Variants in ZNF335 observed in about 807,000 individuals in gnomAD.
ZNF335 encodes the protein NRC-interacting factor 1.
A neutral mutation model predicts 145.6 loss-of-function variants in ZNF335; 84 were observed. That is an observed-to-expected ratio of 0.58 (90% CI 0.48 to 0.69). The LOEUF is 0.69. ZNF335 is among the 30% of genes least tolerant of loss of function. ZNF335 has a pLI of 0.00. For missense variants in ZNF335, 1,865 were observed against 1,809.7 expected (o/e 1.03, Z -0.55); for synonymous variants, 761 against 717.0 (o/e 1.06, Z -0.98).
Position 45,959,303 on chromosome 20 carries a change from G to C in ZNF335, c.2151C>G (p.Pro717=). The change falls in exon 15 of 28, where the codon CCC becomes CCG. Residue 717 remains proline (P), a synonymous_variant. Transcript: ENST00000322927. ...EWGRRHPEEP[P]SRRRPFFSLQ... is the part of the protein sequence containing the mutation. ...GAGAGAAGAAGGGGCGACGGCGGGA[G>C]GGGGGCTCCTCAGGGTGGCGCCTCC... 2 of 1,568,228 alleles carry C rather than the reference G, an allele frequency of 1.3e-6. No homozygotes were observed. The highest frequency in any genetic ancestry group is 1.7e-6 in the Non-Finnish European group (2 of 1,153,368).
rs768360940 is a variant in ZNF335, at chr20:45,950,614, TGGG to T, written c.3190-22_3190-20del. ...TGTGCGCCTGCAGAGAGGGCAGAGT[TGGG>T]GGCATTGGCTGGGTCAGGACAGATG... is the stretch of plus-strand genomic sequence containing the variant. On this transcript the variant is annotated intron_variant, in intron 20 of 27. Transcript: ENST00000322927. The T allele has an allele frequency of 1.2e-6, 2 of 1,613,292 alleles. No individual in the cohort carries two copies. The highest frequency in any genetic ancestry group is 1.7e-6 in the Non-Finnish European group (2 of 1,179,660).
rs147453890 is a variant in ZNF335, at chr20:45,965,665, C to T, written c.1065G>A (p.Arg355=). The change falls in exon 7 of 28, where the codon CGG becomes CGA. Residue 355 remains arginine (R), a synonymous_variant. Coordinates refer to ENST00000322927, the MANE Select transcript of ZNF335 (RefSeq NM_022095.4). The stretch of plus-strand genomic sequence containing the variant: ...CTGAGATCTCCAGGCGGGGCAGCTT[C>T]CGGGGCCGGCCAGGTCTCCTTCGGG... ...PRPRRRPGRP[R]KLPRLEISDL... The T allele has an allele frequency of 1.1e-5, 18 of 1,598,922 alleles. No homozygotes were observed. In the African/African-American group the frequency reaches 2.3e-4, roughly 21 times the overall value.
At position 45,960,475 on chromosome 20, in the gene ZNF335, C is replaced by T. The variant is rs763504337; in HGVS notation, c.1833G>A (p.Thr611=). 25 of 1,614,022 alleles carry T rather than the reference C, an allele frequency of 1.5e-5. No homozygotes were observed. The highest frequency in any genetic ancestry group is 6.7e-5 in the African/African-American group (5 of 74,898). The change falls in exon 13 of 28, where the codon ACG becomes ACA. Residue 611 remains threonine (T), a synonymous_variant. Coordinates refer to ENST00000322927, the MANE Select transcript of ZNF335 (RefSeq NM_022095.4). ...KRYTFKMHLL[T]HIQAVANRRF... ...TGCGGTTGGCAACAGCCTGGATGTGCGTGAGCAGGTGCATTTTGAAGGTGT... is the reference window on the plus strand; with the variant it reads ...TGCGGTTGGCAACAGCCTGGATGTGTGTGAGCAGGTGCATTTTGAAGGTGT...
chr20:45,957,486 G>A (rs1325700188), intron 17 of ZNF335, 100 bp downstream of exon 17: 1 of 1,163,276 alleles, frequency 8.6e-7, no homozygotes, highest in African/African-American at 1.5e-5. Context: ...CCCAAGGGCG[G>A]AGAAGCTCTG....
chr20:45,971,746 A>G (rs1046792973), intron 1 of ZNF335: 1 of 985,236 alleles, frequency 1.0e-6, no homozygotes, highest in Non-Finnish European at 1.2e-6. Context: ...TGTGAGCCCC[A>G]TCCGGGCCCA....
At chr20:45,954,019 C>T in intron 17 of ZNF335, 71 bp from the exon 18 acceptor site, 1 of 1,494,566 alleles carries the variant, frequency 6.7e-7, no homozygotes, top group Non-Finnish European at 9.0e-7. Flanking sequence ...ACGCCTCCCC[C>T]ATCTCAGTGT....
chr20:45,969,283 G>GT (rs1219670702), intron 3 of ZNF335, among the ~76,000 whole-genome samples, 168 bp downstream of exon 3: 2 of 151,994 alleles, frequency 1.3e-5, no homozygotes, highest in Non-Finnish European at 2.9e-5. Flanking sequence ...ACTTTACAGT[G>GT]TTGTCTCATT....
chr20:45,957,956 G>A, intron 15 of ZNF335, 28 bp from the exon 16 acceptor site: 1 of 1,580,278 alleles, frequency 6.3e-7, no homozygotes, highest in East Asian at 2.2e-5. Flanking sequence ...GGCCACGCCT[G>A]AGAGGGGCCA....
chr20:45,967,846 C>T lies in ZNF335; in HGVS notation c.702G>A (p.Glu234=). 6.2e-7 allele frequency: 1 copy of T among 1,613,504 alleles called. No homozygotes were observed. The highest frequency in any genetic ancestry group is 8.5e-7 in the Non-Finnish European group (1 of 1,180,040). ...GCACCACCACCACCTCCATCATGGC[C>T]TCCAGGCTCTGCAGGTCCGGCTCTT... ...GAEEPDLQSL[E]AMMEVVVVQQ... Residue 234 remains glutamate (E), a synonymous_variant, in exon 5 of 28, where the codon GAG becomes GAA. Coordinates refer to ENST00000322927, the MANE Select transcript of ZNF335 (RefSeq NM_022095.4).
chr20:45,962,284 A>T (rs1600537961), intron 9 of ZNF335, 102 bp from the exon 10 acceptor site: 1 of 905,870 alleles, frequency 1.1e-6, no homozygotes, highest in East Asian at 2.4e-5. Context: ...CTGCGGGAGC[A>T]GCTCACAGAA....
In ZNF335 at chr20:45,957,604, C is replaced by T. The variant is rs2083752404; in HGVS notation, c.2424G>A (p.Leu808=). The change falls in exon 17 of 28, where the codon CTG becomes CTA. Residue 808 remains leucine, a synonymous_variant. Transcript: ENST00000322927. ...LLLNMSAQRE[L]GGTALQVAVV... ...AGCTCACCTGCAGGGCTGTGCCCCC[C>T]AGTTCCCGCTGAGCACTCATGTTCA... is the stretch of plus-strand genomic sequence containing the variant. 1 of 1,614,034 alleles carries T rather than the reference C, an allele frequency of 6.2e-7. No individual in the cohort carries two copies. Among genetic ancestry groups the T allele is most frequent in the African/African-American group, 1.3e-5 (1 of 74,922 alleles).
chr20:45,968,089 T>G (rs1401730181), intron 4 of ZNF335, 62 bp from the exon 5 acceptor site: 5 of 1,596,532 alleles, frequency 3.1e-6, no homozygotes, highest in Non-Finnish European at 4.3e-6. Flanking sequence ...CCATGAGCTA[T>G]AGCTACCCCT....
chr20:45,959,302 A>AG lies in ZNF335; in HGVS notation c.2151dup (p.Ser718LeufsTer13), dbSNP rs760646300. ...AGAGAGAAGAAGGGGCGACGGCGGG[A>AG]GGGGGGCTCCTCAGGGTGGCGCCTC... is the stretch of plus-strand genomic sequence containing the variant. On this transcript the variant is annotated frameshift_variant, in exon 15 of 28. Transcript: ENST00000322927. LOFTEE classifies it high-confidence loss of function. 2.6e-6 allele frequency: 4 copies of AG among 1,567,438 alleles called. No individual in the cohort carries two copies. Among genetic ancestry groups the AG allele is most frequent in the Non-Finnish European group, 3.5e-6 (4 of 1,153,006 alleles).
In ZNF335 at chr20:45,961,007, T is replaced by C. The variant is rs997082352; in HGVS notation, c.1647-125A>G. 9 of 1,304,422 alleles carry C rather than the reference T, an allele frequency of 6.9e-6. No homozygotes were observed. In the Admixed American group the frequency reaches 9.4e-5, roughly 14 times the overall value. 80.8% of individuals were successfully genotyped at this position (1,304,422 alleles called of 1,614,324 possible). A position where few individuals can be genotyped will look rare whatever the true frequency, so the allele number is the denominator to read the frequency against. Reference sequence around the variant, plus strand: ...CTGCCAAGGCCCCTTTCTCTTAGAATAGTGCTTCCCCAGCTGGAGTTCACT... The same window carrying C: ...CTGCCAAGGCCCCTTTCTCTTAGAACAGTGCTTCCCCAGCTGGAGTTCACT... On this transcript the variant is annotated intron_variant, in intron 10 of 27. Transcript: ENST00000322927.
chr20:45,971,910 C>A lies in ZNF335; in HGVS notation c.-51+212G>T, dbSNP rs1339712412. On this transcript the variant is annotated intron_variant, in intron 1 of 27. Transcript: ENST00000322927. Reference sequence around the variant, plus strand: ...GGGGCCTGGCGATTTGGGGCTGTCCCCGGCGCTGCCTGTGCTCCAGGCCCG... The same window carrying A: ...GGGGCCTGGCGATTTGGGGCTGTCCACGGCGCTGCCTGTGCTCCAGGCCCG... 3.0e-6 allele frequency: 3 copies of A among 985,350 alleles called. No homozygotes were observed. The African/African-American group carries it at 5.2e-5, about 17-fold the overall frequency. 61.0% of individuals were successfully genotyped at this position (985,350 alleles called of 1,614,324 possible). A position where few individuals can be genotyped will look rare whatever the true frequency, so the allele number is the denominator to read the frequency against.
intron 21 of ZNF335, 24 bp from the exon 22 acceptor site, chr20:45,950,397 A>G: frequency 6.2e-7 from 1 of 1,608,702 alleles, no homozygotes; most frequent in Non-Finnish European, 8.5e-7. Context: ...AAGGTGGCTC[A>G]GGTTAGCTCC....
At chr20:45,971,038 G>C (rs751751348) in intron 2 of ZNF335, among the ~76,000 whole-genome samples, 172 bp downstream of exon 2, 1 of 152,228 alleles carries the variant, frequency 6.6e-6, no homozygotes, top group African/African-American at 2.4e-5. Context: ...TGTCTTAGAA[G>C]GTATGAAGCT....
At position 45,960,231 on chromosome 20, in the gene ZNF335, G is replaced by C. The variant is rs778973677; in HGVS notation, c.1997C>G (p.Ser666Cys). The C allele has an allele frequency of 1.2e-6, 2 of 1,614,052 alleles. No individual in the cohort carries two copies. The highest frequency in any genetic ancestry group is 1.3e-5 in the African/African-American group (1 of 74,944). The change falls in exon 14 of 28, where the codon TCC (serine) becomes TGC (cysteine). Residue 666 changes from serine (S) to cysteine (C), a missense_variant. By Grantham distance (112) the Ser-to-Cys change is moderately radical. Coordinates refer to ENST00000322927, the MANE Select transcript of ZNF335 (RefSeq NM_022095.4). ...YRTFREDFLL[S>C]HVAVKHTGAK... The stretch of plus-strand genomic sequence containing the variant: ...ACCTGTGTGCTTGACAGCCACATGG[G>C]ACAGCAAGAAGTCCTCTCGGAAGGT...
At position 45,949,493 on chromosome 20, in the gene ZNF335, G is replaced by A; in HGVS notation, c.3745C>T (p.His1249Tyr). 6.2e-6 allele frequency: 10 copies of A among 1,613,846 alleles called. No individual in the cohort carries two copies. The highest frequency in any genetic ancestry group is 8.5e-6 in the Non-Finnish European group (10 of 1,179,982). Residue 1249 changes from histidine (H) to tyrosine (Y), a missense_variant, in exon 25 of 28, where the codon CAC becomes TAC. By Grantham distance (83) the His-to-Tyr change is moderately conservative. Transcript: ENST00000322927. The part of the protein sequence containing the change: ...QEYVVVPEGH[H>Y]IQVQEGQITH... Reference sequence around the variant, plus strand: ...TCCCAGGTCTGGCCTACCTGGATGTGATGGCCTTCAGGGACCACAACATAT... The same window carrying A: ...TCCCAGGTCTGGCCTACCTGGATGTAATGGCCTTCAGGGACCACAACATAT...
Sources: allele counts gnomAD v4.1 joint callset (sites outside exome capture counted in the v4.1 genomes callset), GRCh38; gene constraint gnomAD v4.1.1; transcripts MANE v1.5; gene names NCBI Gene and HGNC (gene_info 2026-07-23, HGNC 2026-07-21).